DLG2: variants seen among roughly 807,000 people sequenced by gnomAD.
DLG2 encodes disks large homolog 2.
Under a neutral mutation model 132.5 loss-of-function variants are expected in DLG2, and 45 were observed. The ratio of observed to expected loss-of-function variants is 0.34; its 90% confidence interval spans 0.27 to 0.44. DLG2 has a LOEUF of 0.44. DLG2 is among the 20% of genes least tolerant of loss of function. The pLI, the probability that DLG2 is intolerant of heterozygous loss-of-function variation, is 1.00. For synonymous variants in DLG2, 424 were observed against 419.6 expected (o/e 1.01, Z -0.13); for missense variants, 1,045 against 1,196.9 (o/e 0.87, Z 1.87).
chr11:85,299,547 G>C (rs994797161), intron 3 of DLG2, among the ~76,000 whole-genome samples: 1 of 152,036 alleles, frequency 6.6e-6, no homozygotes. Context: ...CATTTATCTT[G>C]TGATTCTTAT....
chr11:84,839,021 G>C (rs1312620790), intron 6 of DLG2, among the ~76,000 whole-genome samples: 1 of 151,940 alleles, frequency 6.6e-6, no homozygotes, highest in East Asian at 1.9e-4. Flanking sequence ...AGAAATACAG[G>C]GTATTCAATT....
intron 15 of DLG2, among the ~76,000 whole-genome samples, chr11:83,877,272 G>A (rs1334953277): frequency 2.0e-5 from 3 of 152,024 alleles, no homozygotes; most frequent in Non-Finnish European, 2.9e-5. Flanking sequence ...TAGTGAGAAT[G>A]ACCATTTTTT....
At chr11:85,120,780 C>T (rs545368878) in intron 5 of DLG2, among the ~76,000 whole-genome samples, 1 of 152,082 alleles carries the variant, frequency 6.6e-6, no homozygotes, top group East Asian at 1.9e-4. Flanking sequence ...TGAAATTTGA[C>T]TTTTGGATAT....
At chr11:83,605,516 G>A (rs546727124) in intron 19 of DLG2, among the ~76,000 whole-genome samples, 4 of 152,312 alleles carry the variant, frequency 2.6e-5, no homozygotes, top group Admixed American at 6.5e-5. Flanking sequence ...TGATTACTAA[G>A]TGCCACATAA....
At chr11:85,122,976 T>A (rs1415266357) in intron 5 of DLG2, among the ~76,000 whole-genome samples, 4,332 of 55,532 alleles carry the variant, frequency 0.078, 135 homozygotes, top group South Asian at 0.12. Context: ...TATATTTTTT[T>A]TTTTTTTTTT....
At chr11:84,058,207 T>C (rs922913975) in intron 11 of DLG2, among the ~76,000 whole-genome samples, 3 of 152,144 alleles carry the variant, frequency 2.0e-5, no homozygotes, top group African/African-American at 7.2e-5. Context: ...GAGAAATGAT[T>C]TACTCAAAGA....
At chr11:85,353,098 G>A (rs1381764459) in intron 3 of DLG2, among the ~76,000 whole-genome samples, 2 of 151,986 alleles carry the variant, frequency 1.3e-5, no homozygotes, top group South Asian at 2.1e-4. Context: ...TCTGACAAAG[G>A]GCTAATATCC....
intron 3 of DLG2, among the ~76,000 whole-genome samples, chr11:85,361,591 G>A (rs1262487145): frequency 1.3e-5 from 2 of 152,168 alleles, no homozygotes; most frequent in Non-Finnish European, 2.9e-5. Flanking sequence ...TTTCAGTCAG[G>A]ATCATGGCCT....
intron 3 of DLG2, among the ~76,000 whole-genome samples, chr11:85,308,456 C>T (rs80063191): frequency 0.035 from 5,292 of 152,176 alleles, 143 homozygotes; most frequent in Admixed American, 0.048. Flanking sequence ...GGCAGAAAAC[C>T]AGAGAATAGG....
chr11:84,924,972 A>G (rs1322863275), intron 6 of DLG2, among the ~76,000 whole-genome samples: 2 of 152,194 alleles, frequency 1.3e-5, no homozygotes, highest in Non-Finnish European at 2.9e-5. Context: ...ATAGCAGGTC[A>G]CATTTCCTGC....
At chr11:83,867,011 A>G (rs1055639986) in intron 16 of DLG2, among the ~76,000 whole-genome samples, 2 of 152,214 alleles carry the variant, frequency 1.3e-5, no homozygotes, top group African/African-American at 4.8e-5. Flanking sequence ...TGGAATCATT[A>G]TACAAGTTTG....
At chr11:84,341,962 A>C (rs996349324) in intron 7 of DLG2, among the ~76,000 whole-genome samples, 1 of 152,252 alleles carries the variant, frequency 6.6e-6, no homozygotes, top group Non-Finnish European at 1.5e-5. Flanking sequence ...ATTTGGCATC[A>C]AAAGAAAAGG....
chr11:84,861,974 G>A (rs1402114568), intron 6 of DLG2, among the ~76,000 whole-genome samples: 1 of 145,150 alleles, frequency 6.9e-6, no homozygotes, highest in East Asian at 2.1e-4. Flanking sequence ...CTCACAGGTG[G>A]GAATTGAACA....
At chr11:84,773,034 A>C (rs1187286943) in intron 6 of DLG2, among the ~76,000 whole-genome samples, 1 of 152,150 alleles carries the variant, frequency 6.6e-6, no homozygotes, top group Admixed American at 6.5e-5. Flanking sequence ...TAAGATCAAT[A>C]AACCACTAGC....
chr11:84,370,063 C>T (rs780467762), intron 7 of DLG2, among the ~76,000 whole-genome samples: 1 of 152,044 alleles, frequency 6.6e-6, no homozygotes, highest in Non-Finnish European at 1.5e-5. Flanking sequence ...GGGTATTTAC[C>T]TCTTCTTCCT....
intron 3 of DLG2, among the ~76,000 whole-genome samples, chr11:85,300,222 T>C (rs2079502658): frequency 1.3e-5 from 2 of 152,278 alleles, no homozygotes; most frequent in African/African-American, 4.8e-5. Context: ...GGAAGAGATA[T>C]TTGATAAATG....
rs115469281 is a variant in DLG2 at position 83,637,953 on chromosome 11, A to G, written c.1826-4628T>C. Reference sequence around the variant, plus strand: ...AAATTAAGCATGATCATGCCGAGGTATAAAACAATATTAAAATTGCAGCAT... The same window carrying G: ...AAATTAAGCATGATCATGCCGAGGTGTAAAACAATATTAAAATTGCAGCAT... On this transcript the variant is annotated intron_variant, in intron 18 of 27. Transcript: ENST00000376104. 1.3e-3 allele frequency among the ~76,000 whole-genome samples: 197 copies of G among 152,352 alleles called. 1 individual carries two copies. The highest frequency in any genetic ancestry group is 4.6e-3 in the African/African-American group (191 of 41,588).
chr11:84,659,377 G>T (rs2099692035), intron 6 of DLG2, among the ~76,000 whole-genome samples: 1 of 151,922 alleles, frequency 6.6e-6, no homozygotes, highest in South Asian at 2.1e-4. Context: ...CTTTCAGTTT[G>T]CTCTAGGTCT....
chr11:84,670,723 G>C (rs1013594123), intron 6 of DLG2, among the ~76,000 whole-genome samples: 6 of 152,146 alleles, frequency 3.9e-5, no homozygotes, highest in African/African-American at 1.4e-4. Context: ...CAATGACTGA[G>C]TGGGTAGAGC....
Sources: allele counts gnomAD v4.1 joint callset (sites outside exome capture counted in the v4.1 genomes callset), GRCh38; gene constraint gnomAD v4.1.1; transcripts MANE v1.5; gene names NCBI Gene and HGNC (gene_info 2026-07-23, HGNC 2026-07-21).